The following PGAM1 variants were observed in gnomAD, a reference collection of about 807,000 sequenced individuals.
PGAM1 encodes the protein phosphoglycerate mutase 1, also known as BPG-dependent PGAM 1.
In PGAM1, 21 loss-of-function variants were observed where a neutral mutation model predicts 23.5. The observed-to-expected ratio is 0.89, with a 90% CI of 0.63 to 1.29. The LOEUF (loss-of-function observed/expected upper bound fraction) is 1.29. Among genes scored for constraint, PGAM1 ranks in the 50% most tolerant of loss-of-function variants. The pLI is 0.00. For missense variants in PGAM1, 232 were observed against 336.3 expected (o/e 0.69, Z 2.42); for synonymous variants, 109 against 128.6 (o/e 0.85, Z 1.03).
At chr10:97,429,464 G>A (rs1279492396) in intron 1 of PGAM1, among the ~76,000 whole-genome samples, 1 of 152,176 alleles carries the variant, frequency 6.6e-6, no homozygotes, top group East Asian at 1.9e-4. Context: ...AATAACTACT[G>A]TGTATGGAAG....
rs1336030206 is a variant in PGAM1, at chr10:97,432,368, G to A, written c.609G>A (p.Glu203=). ...IVKHLEGLSE[E]AIMELNLPTG... The stretch of plus-strand genomic sequence containing the variant: ...GGATGTTTTCAGGTCTCTCTGAAGA[G>A]GCTATCATGGAGCTGAACCTGCCGA... The change falls in exon 4 of 4, where the codon GAG becomes GAA. Residue 203 remains glutamate (E), a synonymous_variant. Coordinates refer to ENST00000334828, the MANE Select transcript of PGAM1 (RefSeq NM_002629.4). 1.9e-6 allele frequency: 3 copies of A among 1,612,050 alleles called. No homozygotes were observed. Among genetic ancestry groups the A allele is most frequent in the Non-Finnish European group, 2.5e-6 (3 of 1,179,916 alleles).
In PGAM1 at chr10:97,431,056, T is replaced by G; in HGVS notation, c.516T>G (p.Val172=). 1 of 1,614,006 alleles carries G rather than the reference T, an allele frequency of 6.2e-7. No homozygotes were observed. Among genetic ancestry groups the G allele is most frequent in the Non-Finnish European group, 8.5e-7 (1 of 1,179,994 alleles). Residue 172 remains valine (V), a synonymous_variant, in exon 3 of 4, where the codon GTT becomes GTG. Transcript: ENST00000334828. ...RALPFWNEEI[V]PQIKEGKRVL... ...TGCCCTTCTGGAATGAAGAAATAGT[T>G]CCCCAGATCAAGGAGGGGAAACGTG...
chr10:97,431,569 C>T (rs997432204), intron 3 of PGAM1, among the ~76,000 whole-genome samples: 1 of 151,826 alleles, frequency 6.6e-6, no homozygotes, highest in Non-Finnish European at 1.5e-5. Flanking sequence ...CACTTGAGGC[C>T]AGGAGTTTGA....
chr10:97,426,313 C>A lies in PGAM1; in HGVS notation c.6C>A (p.Ala2=). 6.2e-7 allele frequency: 1 copy of A among 1,610,476 alleles called. No homozygotes were observed. The highest frequency in any genetic ancestry group is 8.5e-7 in the Non-Finnish European group (1 of 1,179,228). Residue 2 remains alanine, a synonymous_variant, in exon 1 of 4, where the codon GCC becomes GCA. Transcript: ENST00000334828. M[A]AYKLVLIRHG... ...CGCATCCCCAGCCCGCCGCCATGGC[C>A]GCCTACAAACTGGTGCTGATCCGGC...
chr10:97,426,824 A>G (rs1302236086), intron 1 of PGAM1, among the ~76,000 whole-genome samples: 2 of 152,098 alleles, frequency 1.3e-5, no homozygotes, highest in East Asian at 1.9e-4. Flanking sequence ...ACTTGCGGTC[A>G]GGATGTTCGA....
intron 2 of PGAM1, 80 bp downstream of exon 2, chr10:97,430,733 C>T (rs60890987): frequency 0.068 from 107,762 of 1,584,750 alleles, 3,905 homozygotes; most frequent in Admixed American, 0.08. Flanking sequence ...ACTGAACTTA[C>T]AATTCATGAT....
chr10:97,426,277 C>T lies in PGAM1; in HGVS notation c.-31C>T, dbSNP rs1382140765. 2.5e-6 allele frequency: 4 copies of T among 1,609,692 alleles called. No individual in the cohort carries two copies. The highest frequency in any genetic ancestry group is 2.7e-5 in the African/African-American group (2 of 74,782). ...GCTGCTACTCCGGAATCTGCTAATC[C>T]CAGTCGGTGCCGCATCCCCAGCCCG... On this transcript the variant is annotated 5_prime_UTR_variant, in exon 1 of 4. Coordinates refer to ENST00000334828, the MANE Select transcript of PGAM1 (RefSeq NM_002629.4).
chr10:97,430,266 T>A (rs1192770569), intron 1 of PGAM1, 113 bp from the exon 2 acceptor site: 2 of 1,330,376 alleles, frequency 1.5e-6, no homozygotes, highest in African/African-American at 2.9e-5. Flanking sequence ...AAATATTTTC[T>A]TTTTTGGCCA....
intron 1 of PGAM1, 133 bp downstream of exon 1, chr10:97,426,579 T>C: frequency 1.7e-6 from 2 of 1,162,084 alleles, no homozygotes; most frequent in Non-Finnish European, 2.4e-6. Flanking sequence ...AGTGTGTAGT[T>C]GAGAAGATGA....
At chr10:97,429,092 C>CTTTTTTTTTTTTT (rs888329236) in intron 1 of PGAM1, among the ~76,000 whole-genome samples, 1 of 84,764 alleles carries the variant, frequency 1.2e-5, no homozygotes. Flanking sequence ...AGACTGATTC[C>CTTTTTTTTTTTTT]TTTTTTTTTT....
rs2133133012 is a variant in PGAM1 at position 97,431,097 on chromosome 10, A to C, written c.557A>C (p.His186Pro). Residue 186 changes from histidine (H) to proline (P), a missense_variant, in exon 3 of 4, where the codon CAT (histidine) becomes CCT (proline). Physicochemically the swap from His to Pro is moderately conservative, Grantham distance 77. Around this residue, in one of 3 missense-constraint regions of PGAM1, gnomAD observed 191 missense variants for 241.7 expected, o/e 0.79. Transcript: ENST00000334828. ...KEGKRVLIAAHGNSLRGIVKH... is the reference protein window; with the variant it reads ...KEGKRVLIAAPGNSLRGIVKH... ...GGGAAACGTGTACTGATTGCAGCCC[A>C]TGGCAACAGCCTCCGGGGCATTGTC... is the stretch of plus-strand genomic sequence containing the variant. 1 of 1,614,214 alleles carries C rather than the reference A, an allele frequency of 6.2e-7. No individual in the cohort carries two copies. The highest frequency in any genetic ancestry group is 1.1e-5 in the South Asian group (1 of 91,082).
chr10:97,432,581 C>G lies in PGAM1; in HGVS notation c.*57C>G, dbSNP rs576622228. ...CACCCTCCCTGCCCGTCTTGTCCCT[C>G]TGCCCCTCCCACCTGCACATGTCAC... On this transcript the variant is annotated 3_prime_UTR_variant, in exon 4 of 4. Coordinates refer to ENST00000334828, the MANE Select transcript of PGAM1 (RefSeq NM_002629.4). 118 of 1,022,344 alleles carry G rather than the reference C, an allele frequency of 1.2e-4. No homozygotes were observed. In the East Asian group the frequency reaches 2.4e-3, roughly 20 times the overall value. 63.3% of individuals were successfully genotyped at this position (1,022,344 alleles called of 1,614,324 possible).
chr10:97,431,218 A>G (rs1589457003), intron 3 of PGAM1, 83 bp downstream of exon 3: 1 of 1,519,216 alleles, frequency 6.6e-7, no homozygotes, highest in Non-Finnish European at 9.1e-7. Flanking sequence ...AAAGGAGTCT[A>G]GGGAAGGGCT....
chr10:97,426,537 G>C, intron 1 of PGAM1, 91 bp downstream of exon 1: 1 of 1,401,296 alleles, frequency 7.1e-7, no homozygotes. Context: ...GGAGAGGGCC[G>C]GCACCTTGGG....
Position 97,430,403 on chromosome 10 carries a change from G to A in PGAM1, c.164G>A (p.Cys55Tyr). The change falls in exon 2 of 4, where the codon TGC (cysteine) becomes TAC (tyrosine). Residue 55 changes from cysteine to tyrosine, a missense_variant. By Grantham distance (194) the Cys-to-Tyr change is radical (BLOSUM62 -2). This residue lies in a region of PGAM1 where 191 missense variants were observed against 241.7 expected (regional missense o/e 0.79). Transcript: ENST00000334828. ...GATGCTGGCTATGAGTTTGACATCTGCTTCACCTCAGTGCAGAAGAGAGCG... is the reference window on the plus strand; with the variant it reads ...GATGCTGGCTATGAGTTTGACATCTACTTCACCTCAGTGCAGAAGAGAGCG... Reference protein sequence around the residue: ...LRDAGYEFDICFTSVQKRAIR... With the variant: ...LRDAGYEFDIYFTSVQKRAIR... 12 of 1,611,600 alleles carry A rather than the reference G, an allele frequency of 7.4e-6. No homozygotes were observed. The highest frequency in any genetic ancestry group is 1.0e-5 in the Non-Finnish European group (12 of 1,179,864).
chr10:97,430,500 CAAT>C lies in PGAM1; in HGVS notation c.262_264del (p.Asn88del). 1 of 1,601,646 alleles carries C rather than the reference CAAT, an allele frequency of 6.2e-7. No individual in the cohort carries two copies. Among genetic ancestry groups the C allele is most frequent in the Non-Finnish European group, 8.5e-7 (1 of 1,179,636 alleles). ...TGCCAGTGGTGAGGACTTGGCGCCT[CAAT>C]GAGCGGCACTATGGGGGTCTAACCG... On this transcript the variant is annotated inframe_deletion, in exon 2 of 4. Transcript: ENST00000334828.
At chr10:97,431,639 G>A (rs1845473047) in intron 3 of PGAM1, among the ~76,000 whole-genome samples, 1 of 152,146 alleles carries the variant, frequency 6.6e-6, no homozygotes, top group African/African-American at 2.4e-5. Flanking sequence ...GCCAAGCACA[G>A]TGGTTCATGC....
At chr10:97,427,665 C>T in intron 1 of PGAM1, 1 of 1,198,236 alleles carries the variant, frequency 8.3e-7, no homozygotes, top group Non-Finnish European at 1.1e-6. Flanking sequence ...TTGCTCCCGC[C>T]CCAGTCTGCT....
intron 1 of PGAM1, among the ~76,000 whole-genome samples, chr10:97,426,677 CA>C (rs1845413581): frequency 6.6e-6 from 1 of 152,266 alleles, no homozygotes; most frequent in Non-Finnish European, 1.5e-5. Context: ...GGTCGCCCCG[CA>C]ACCCTTTGCG....
Sources: gnomAD v4.1 joint callset for allele counts (sites outside exome capture counted in the v4.1 genomes callset) on GRCh38, gnomAD v4.1.1 for gene constraint, gnomAD v4.1.1 regional missense constraint, MANE v1.5 for transcripts, NCBI Gene and HGNC (gene_info 2026-07-23, HGNC 2026-07-21) for gene names.